Variants in SEMA6D observed in about 807,000 individuals in gnomAD.
The protein encoded by SEMA6D is semaphorin-6D.
In SEMA6D, 35 loss-of-function variants were observed where a neutral mutation model predicts 106.6. The observed-to-expected ratio is 0.33, with a 90% CI of 0.25 to 0.44. The LOEUF is 0.44. SEMA6D is among the 20% of genes least tolerant of loss of function. The pLI is 1.00. For missense variants in SEMA6D, 1,185 were observed against 1,345.9 expected (o/e 0.88, Z 1.87); for synonymous variants, 499 against 487.7 (o/e 1.02, Z -0.31).
intron 3 of SEMA6D, among the ~76,000 whole-genome samples, chr15:47,481,268 G>A (rs2043146204): frequency 6.6e-6 from 1 of 152,076 alleles, no homozygotes; most frequent in African/African-American, 2.4e-5. Context: ...CAGTTGCAGG[G>A]TTCTAAAACT....
intron 1 of SEMA6D, among the ~76,000 whole-genome samples, chr15:47,734,657 A>C (rs368763584): frequency 3.7e-4 from 56 of 152,254 alleles, no homozygotes; most frequent in African/African-American, 1.3e-3. Flanking sequence ...CTCAGCTGTA[A>C]ACTAAGGCAG....
intron 4 of SEMA6D, among the ~76,000 whole-genome samples, chr15:47,692,496 T>C (rs2078610247): frequency 6.6e-6 from 1 of 152,170 alleles, no homozygotes; most frequent in African/African-American, 2.4e-5. Context: ...CTAAGCATGC[T>C]GCAAACATAG....
At chr15:47,767,260 A>C (rs185558818) in intron 17 of SEMA6D, 167 bp downstream of exon 17, 1 of 511,884 alleles carries the variant, frequency 2.0e-6, no homozygotes. Context: ...TGAGCACTTC[A>C]CCCTTGTTTA....
chr15:47,766,897 G>A (rs2082372644), intron 16 of SEMA6D, 140 bp from the exon 17 acceptor site: 4 of 605,808 alleles, frequency 6.6e-6, no homozygotes, highest in Non-Finnish European at 1.1e-5. Context: ...GAAATCTAGA[G>A]AGAGGTAGTC....
chr15:47,305,071 T>G (rs1040805565), intron 1 of SEMA6D, among the ~76,000 whole-genome samples: 14 of 152,206 alleles, frequency 9.2e-5, no homozygotes, highest in Non-Finnish European at 4.4e-5. Flanking sequence ...ATCATCTGGG[T>G]TTCTTATTAA....
chr15:47,762,743 T>TA (rs2082131054), intron 8 of SEMA6D, among the ~76,000 whole-genome samples: 1 of 152,206 alleles, frequency 6.6e-6, no homozygotes, highest in Non-Finnish European at 1.5e-5. Context: ...CCTAGTTAAA[T>TA]AGGTTAATGA....
chr15:47,263,862 T>C (rs2034191660), intron 1 of SEMA6D, among the ~76,000 whole-genome samples: 1 of 151,286 alleles, frequency 6.6e-6, no homozygotes, highest in Admixed American at 6.6e-5. Flanking sequence ...CCCAAAGGAA[T>C]ATAAATCATT....
intron 1 of SEMA6D, among the ~76,000 whole-genome samples, chr15:47,358,494 T>G (rs1050169695): frequency 6.6e-6 from 1 of 152,246 alleles, no homozygotes; most frequent in African/African-American, 2.4e-5. Context: ...GAGCTTATCA[T>G]GGTCTTTTGG....
intron 1 of SEMA6D, among the ~76,000 whole-genome samples, chr15:47,333,932 T>C (rs1442309561): frequency 6.6e-6 from 1 of 152,172 alleles, no homozygotes; most frequent in Non-Finnish European, 1.5e-5. Flanking sequence ...TCTAATCTGA[T>C]TGTGGGTCAA....
At chr15:47,282,941 C>T (rs898657152) in intron 1 of SEMA6D, among the ~76,000 whole-genome samples, 4 of 152,134 alleles carry the variant, frequency 2.6e-5, no homozygotes, top group African/African-American at 9.7e-5. Context: ...TGTGCCCCCT[C>T]TCTCCTGCCA....
At chr15:47,637,118 G>T (rs892363740) in intron 4 of SEMA6D, among the ~76,000 whole-genome samples, 6 of 152,106 alleles carry the variant, frequency 3.9e-5, no homozygotes, top group Admixed American at 3.9e-4. Context: ...CAGAATTTTT[G>T]TACATCTTCT....
intron 4 of SEMA6D, among the ~76,000 whole-genome samples, chr15:47,684,806 T>G (rs770851454): frequency 5.3e-5 from 8 of 152,218 alleles, no homozygotes; most frequent in Non-Finnish European, 1.0e-4. Context: ...TTATTCAATC[T>G]TTATTAATTT....
At chr15:47,480,576 C>G (rs1363920973) in intron 3 of SEMA6D, among the ~76,000 whole-genome samples, 3 of 152,048 alleles carry the variant, frequency 2.0e-5, no homozygotes, top group Non-Finnish European at 4.4e-5. Flanking sequence ...GTTTTCACAC[C>G]AAAATTCTGC....
intron 1 of SEMA6D, among the ~76,000 whole-genome samples, chr15:47,352,211 CTTTTTA>C (rs1467678535): frequency 2.6e-5 from 4 of 151,982 alleles, no homozygotes; most frequent in African/African-American, 9.7e-5. Context: ...ATCTTTTTAT[CTTTTTA>C]TTTTTATTAT....
At chr15:47,436,768 A>AAT (rs535187294) in intron 2 of SEMA6D, among the ~76,000 whole-genome samples, 334 of 125,386 alleles carry the variant, frequency 2.7e-3, no homozygotes, top group South Asian at 0.014. Flanking sequence ...TAAAAAAAAA[A>AAT]ATATATATAT....
intron 1 of SEMA6D, among the ~76,000 whole-genome samples, chr15:47,736,915 A>T (rs2080477313): frequency 6.6e-6 from 1 of 152,214 alleles, no homozygotes; most frequent in Non-Finnish European, 1.5e-5. Flanking sequence ...TACAAAAGAC[A>T]ATCCCTGTAA....
intron 1 of SEMA6D, among the ~76,000 whole-genome samples, chr15:47,259,994 C>T (rs1180414173): frequency 6.7e-6 from 1 of 148,416 alleles, no homozygotes; most frequent in Non-Finnish European, 1.5e-5. Flanking sequence ...GCCCATTTAG[C>T]ATGTTTTTTT....
intron 1 of SEMA6D, among the ~76,000 whole-genome samples, chr15:47,271,982 G>A (rs892733727): frequency 6.6e-6 from 1 of 152,112 alleles, no homozygotes; most frequent in East Asian, 1.9e-4. Context: ...ATCTTCTGTT[G>A]TGGTGAGTCT....
chr15:47,691,813 C>T (rs1230894620), intron 4 of SEMA6D, among the ~76,000 whole-genome samples: 1 of 150,874 alleles, frequency 6.6e-6, no homozygotes, highest in South Asian at 2.1e-4. Flanking sequence ...AGTCCCAGCC[C>T]TCATGGAAAG....
Sources: gnomAD v4.1 joint callset for allele counts (sites outside exome capture counted in the v4.1 genomes callset) on GRCh38, gnomAD v4.1.1 for gene constraint, MANE v1.5 for transcripts, NCBI Gene and HGNC (gene_info 2026-07-23, HGNC 2026-07-21) for gene names.